SOS1: variants seen among roughly 807,000 people sequenced by gnomAD.
The protein encoded by SOS1 is SOS Ras/Rac guanine nucleotide exchange factor 1.
Under a neutral mutation model 157.6 loss-of-function variants are expected in SOS1, and 25 were observed. The ratio of observed to expected loss-of-function variants is 0.16; its 90% CI spans 0.12 to 0.22. The LOEUF is 0.22. SOS1 is among the 10% of genes least tolerant of loss of function. The probability of loss-of-function intolerance (pLI) is 1.00; values close to 1 mark genes in which losing one functional copy is unlikely to be tolerated. For missense variants in SOS1, 1,237 were observed against 1,599.1 expected (o/e 0.77, Z 3.86); for synonymous variants, 528 against 534.0 (o/e 0.99, Z 0.16).
chr2:39,094,799 G>C (rs760814194), intron 1 of SOS1, among the ~76,000 whole-genome samples: 18 of 152,120 alleles, frequency 1.2e-4, no homozygotes, highest in African/African-American at 3.1e-4. Flanking sequence ...TCTTTGTTTG[G>C]TTAACTATGA....
chr2:39,099,221 T>C (rs1284652103), intron 1 of SOS1, among the ~76,000 whole-genome samples: 1 of 152,236 alleles, frequency 6.6e-6, no homozygotes, highest in Non-Finnish European at 1.5e-5. Context: ...TTGATGAATG[T>C]ATAAGCAAAA....
chr2:39,033,185 C>T (rs1670226401), intron 8 of SOS1, among the ~76,000 whole-genome samples: 1 of 141,528 alleles, frequency 7.1e-6, no homozygotes, highest in Admixed American at 7.2e-5. Flanking sequence ...ATTCTCCTGC[C>T]TCAGCTTCCT....
At chr2:39,012,385 T>G in intron 13 of SOS1, 37 bp from the exon 14 acceptor site, 1 of 916,390 alleles carries the variant, frequency 1.1e-6, no homozygotes, top group Admixed American at 2.9e-5. Context: ...ATTTAAATAT[T>G]CTTTATTTAA....
chr2:39,094,771 G>A (rs1672713071), intron 1 of SOS1, among the ~76,000 whole-genome samples: 1 of 152,172 alleles, frequency 6.6e-6, no homozygotes, highest in African/African-American at 2.4e-5. Context: ...CCAATTAGCA[G>A]TAAAAATTTC....
chr2:39,121,331 T>C (rs1265862398), upstream of SOS1, among the ~76,000 whole-genome samples: 1 of 152,104 alleles, frequency 6.6e-6, no homozygotes, highest in Non-Finnish European at 1.5e-5. Flanking sequence ...CCCTGGGCCC[T>C]TCGTTTCGGA....
intron 1 of SOS1, among the ~76,000 whole-genome samples, chr2:39,115,187 G>A (rs1228020423): frequency 6.6e-6 from 1 of 151,894 alleles, no homozygotes; most frequent in South Asian, 2.1e-4. Context: ...AAAATTTCAG[G>A]ATATGTACAC....
chr2:39,050,999 AT>A, intron 6 of SOS1, 144 bp downstream of exon 6: 1 of 765,122 alleles, frequency 1.3e-6, no homozygotes, highest in Non-Finnish European at 2.2e-6. Flanking sequence ...TATGTTGACA[AT>A]GACCCTATGA....
At chr2:39,064,033 C>T (rs140658317) in intron 2 of SOS1, among the ~76,000 whole-genome samples, 1,715 of 152,146 alleles carry the variant, frequency 0.011, 30 homozygotes, top group African/African-American at 0.039. Context: ...AGGGTTTTGC[C>T]ATGTTGCCCA....
chr2:39,012,462 A>G, intron 13 of SOS1, 114 bp from the exon 14 acceptor site: 1 of 403,838 alleles, frequency 2.5e-6, no homozygotes, highest in Non-Finnish European at 4.1e-6. Context: ...TGCTATAAAA[A>G]GTTCAAATGA....
At chr2:38,994,925 T>C (rs755446543) in intron 20 of SOS1, among the ~76,000 whole-genome samples, 198 bp downstream of exon 20, 3 of 152,220 alleles carry the variant, frequency 2.0e-5, no homozygotes, top group Non-Finnish European at 2.9e-5. Context: ...TAAAGAGGGC[T>C]GTTCCAGCAG....
chr2:39,084,459 T>C (rs935524696), intron 1 of SOS1, among the ~76,000 whole-genome samples: 1 of 152,078 alleles, frequency 6.6e-6, no homozygotes, highest in East Asian at 1.9e-4. Context: ...ATAACCTTTG[T>C]TGTCAACATG....
intron 6 of SOS1, among the ~76,000 whole-genome samples, chr2:39,042,712 A>ATT (rs200188697): frequency 0.079 from 10,412 of 132,544 alleles, 1,285 homozygotes; most frequent in African/African-American, 0.25. Context: ...TAATTTTATG[A>ATT]TTTTTTTTTT....
intron 4 of SOS1, 71 bp downstream of exon 4, chr2:39,056,631 A>G: frequency 1.1e-6 from 1 of 938,142 alleles, no homozygotes; most frequent in Non-Finnish European, 1.8e-6. Context: ...ATTCTATATG[A>G]ATAGTACGTT....
intron 3 of SOS1, among the ~76,000 whole-genome samples, chr2:39,058,353 C>CCAA (rs1195765920): frequency 5.3e-5 from 8 of 151,976 alleles, no homozygotes; most frequent in Non-Finnish European, 7.4e-5. Flanking sequence ...TTAGGTCTAA[C>CCAA]CAACAAGAAA....
At chr2:39,057,284 A>G (rs908301438) in intron 3 of SOS1, among the ~76,000 whole-genome samples, 3 of 152,164 alleles carry the variant, frequency 2.0e-5, no homozygotes, top group African/African-American at 7.2e-5. Context: ...CCAGGCTTAT[A>G]CTTTTAACTT....
At chr2:39,071,901 C>T (rs534562971) in intron 1 of SOS1, among the ~76,000 whole-genome samples, 1 of 148,874 alleles carries the variant, frequency 6.7e-6, no homozygotes, top group Admixed American at 6.7e-5. Context: ...TTTTATCTGC[C>T]TATTTGGCTT....
rs777373438 is a variant in SOS1, at chr2:38,986,129, G to A, written c.3697C>T (p.Leu1233Phe). 6.2e-7 allele frequency: 1 copy of A among 1,613,864 alleles called. No individual in the cohort carries two copies. Among genetic ancestry groups the A allele is most frequent in the Non-Finnish European group, 8.5e-7 (1 of 1,179,890 alleles). Residue 1233 changes from leucine to phenylalanine, a missense_variant, in exon 23 of 23, where the codon CTC becomes TTC. By Grantham distance (22) the Leu-to-Phe change is conservative. Transcript: ENST00000402219. ...PDVFSSSPLH[L>F]QPPPLGKKSD... ...TTTTTGCCCAAAGGGGGAGGTTGGA[G>A]ATGTAGTGGTGAGCTTGAGAAAACA...
intron 2 of SOS1, among the ~76,000 whole-genome samples, chr2:39,062,704 A>T (rs1406575432): frequency 6.6e-6 from 1 of 151,946 alleles, no homozygotes; most frequent in African/African-American, 2.4e-5. Flanking sequence ...AAGGGAAGGA[A>T]CAACAAAGGA....
chr2:39,089,246 C>G (rs529162777), intron 1 of SOS1, among the ~76,000 whole-genome samples: 3 of 152,160 alleles, frequency 2.0e-5, no homozygotes, highest in Admixed American at 6.6e-5. Context: ...CAACCTGGCC[C>G]GGCACAGTGG....
Sources: gnomAD v4.1 joint callset for allele counts (sites outside exome capture counted in the v4.1 genomes callset) on GRCh38, gnomAD v4.1.1 for gene constraint, MANE v1.5 for transcripts, NCBI Gene and HGNC (gene_info 2026-07-23, HGNC 2026-07-21) for gene names.